The following INTS1 variants were observed in gnomAD, a reference collection of about 807,000 sequenced individuals.
The protein encoded by INTS1 is integrator complex subunit 1.
INTS1 carries 137 observed loss-of-function variants against 241.6 expected under a neutral mutation model. The ratio of observed to expected loss-of-function variants is 0.57; its 90% CI spans 0.49 to 0.65. INTS1 has a LOEUF of 0.65. Ranked by LOEUF, INTS1 falls within the 30% of genes least tolerant of loss-of-function variation. The pLI is 0.00. For synonymous variants in INTS1, 1,692 were observed against 1,337.8 expected (o/e 1.26, Z -5.78); for missense variants, 3,073 against 3,032.2 (o/e 1.01, Z -0.32).
rs1782929981 is a variant in INTS1, at chr7:1,497,715, T to C, written c.1426-401A>G. On this transcript the variant is annotated intron_variant, in intron 10 of 47. Coordinates refer to ENST00000404767, the MANE Select transcript of INTS1 (RefSeq NM_001080453.3). The surrounding 1 kb of genome is among the most constrained non-coding windows in gnomAD (Gnocchi z 5.3). ...GAAAGGACGCACTCCTGTCTCAAAATGCCAGGCCGCGAAGACTGAACGCGG... is the reference window on the plus strand; with the variant it reads ...GAAAGGACGCACTCCTGTCTCAAAACGCCAGGCCGCGAAGACTGAACGCGG... 6.6e-6 allele frequency among the ~76,000 whole-genome samples: 1 copy of C among 152,198 alleles called. No homozygotes were observed. Among genetic ancestry groups the C allele is most frequent in the African/African-American group, 2.4e-5 (1 of 41,454 alleles).
At chr7:1,499,182 AGGAG>A (rs1373802305) in intron 7 of INTS1, 21 bp from the exon 8 acceptor site, 1 of 1,606,136 alleles carries the variant, frequency 6.2e-7, no homozygotes, top group Non-Finnish European at 8.5e-7. Flanking sequence ...GGAGGGAGCG[AGGAG>A]GGAGGAAGGT....
chr7:1,501,575 C>T (rs1481439990), intron 3 of INTS1, among the ~76,000 whole-genome samples: 3 of 152,194 alleles, frequency 2.0e-5, no homozygotes, highest in Admixed American at 6.5e-5. Context: ...CTCCTCTCAT[C>T]TTCAAAACCT....
Position 1,478,526 on chromosome 7 carries a change from G to A in INTS1, c.4490-20C>T. ...CTCGCACTGTGGGAGGTCTGTGTGA[G>A]TGCCCTGTGGCTCCAGCCCTCACCC... is the stretch of plus-strand genomic sequence containing the variant. On this transcript the variant is annotated intron_variant, in intron 32 of 47. Transcript: ENST00000404767. 3 of 1,604,958 alleles carry A rather than the reference G, an allele frequency of 1.9e-6. No individual in the cohort carries two copies. Among genetic ancestry groups the A allele is most frequent in the South Asian group, 1.1e-5 (1 of 90,032 alleles).
At chr7:1,501,132 C>T (rs926074289) in intron 3 of INTS1, 174 of 151,838 alleles carry the variant, frequency 1.1e-3, no homozygotes, top group African/African-American at 4.0e-3. Flanking sequence ...TAGAAATACA[C>T]AAATTAGCCA....
chr7:1,489,444 G>A (rs1300692864), intron 17 of INTS1, 40 bp from the exon 18 acceptor site: 1 of 1,198,892 alleles, frequency 8.3e-7, no homozygotes, highest in Non-Finnish European at 1.1e-6. Flanking sequence ...AGGCTCCCCT[G>A]GGCACCAGGC....
rs1783027347 is a variant in INTS1 at position 1,499,280 on chromosome 7, C to T, written c.925G>A (p.Glu309Lys). The T allele has an allele frequency of 3.7e-6, 6 of 1,609,848 alleles. No individual in the cohort carries two copies. The highest frequency in any genetic ancestry group is 4.2e-6 in the Non-Finnish European group (5 of 1,178,698). ...CTGGGCATGAGCTGGCCCTCCTGCT[C>T]GGGGCTCAGCTTCTCCTCCGCGATC... Reference protein sequence around the residue: ...LLIAEEKLSPEQEGQLMPRYE... With the variant: ...LLIAEEKLSPKQEGQLMPRYE... Residue 309 changes from glutamate (E) to lysine (K), a missense_variant, in exon 7 of 48, where the codon GAG (glutamate) becomes AAG (lysine). Physicochemically the swap from Glu to Lys is moderately conservative, Grantham distance 56. Transcript: ENST00000404767.
intron 41 of INTS1, among the ~76,000 whole-genome samples, chr7:1,473,914 AG>A (rs1781590223): frequency 1.3e-5 from 2 of 152,170 alleles, no homozygotes; most frequent in South Asian, 4.1e-4. Context: ...GAGGGGCTCG[AG>A]GTAGCACAAG....
chr7:1,497,336 T>A lies in INTS1; in HGVS notation c.1426-22A>T. On this transcript the variant is annotated intron_variant, in intron 10 of 47. Coordinates refer to ENST00000404767, the MANE Select transcript of INTS1 (RefSeq NM_001080453.3). This position sits in a 1 kb window ranked among gnomAD's most constrained non-coding sequence, Gnocchi z 5.3. ...GGAACTGGGGCAGAGAGAGGCCGCG[T>A]GGGAGGCTGCCCGACAGTGCTGTCC... 1 of 1,604,608 alleles carries A rather than the reference T, an allele frequency of 6.2e-7. No individual in the cohort carries two copies. The highest frequency in any genetic ancestry group is 8.5e-7 in the Non-Finnish European group (1 of 1,175,572).
At position 1,474,345 on chromosome 7, in the gene INTS1, G is replaced by C. The variant is rs768241069; in HGVS notation, c.5652C>G (p.Ile1884Met). ...PLLLLRHLPMIAALLHGRTHL... is the reference protein window; with the variant it reads ...PLLLLRHLPMMAALLHGRTHL... ...GGGTGCGGCCGTGCAGGAGCGCCGC[G>C]ATCATGGGCAGGTGCCTGCGGGCGC... is the stretch of plus-strand genomic sequence containing the variant. The change falls in exon 41 of 48, where the codon ATC becomes ATG. Residue 1884 changes from isoleucine to methionine, a missense_variant. Transcript: ENST00000404767. 1.5e-5 allele frequency: 24 copies of C among 1,599,374 alleles called. 1 individual carries two copies. The Middle Eastern group carries it at 1.3e-3, about 90-fold the overall frequency.
chr7:1,500,403 G>C (rs536924761), intron 3 of INTS1, 37 bp from the exon 4 acceptor site: 2 of 1,502,644 alleles, frequency 1.3e-6, no homozygotes, highest in South Asian at 1.3e-5. Context: ...AACGGGGCCA[G>C]GGCAGGGTCA....
In INTS1 at chr7:1,487,978, G is replaced by T. The variant is rs79159900; in HGVS notation, c.2319-21C>A. The stretch of plus-strand genomic sequence containing the variant: ...AGTTGCTAGGGCCAGACGGGGGAGC[G>T]TGTCACCCTGCCCCCCATGAAGGGC... On this transcript the variant is annotated intron_variant, in intron 18 of 47. Transcript: ENST00000404767. 6 of 1,610,896 alleles carry T rather than the reference G, an allele frequency of 3.7e-6. No individual in the cohort carries two copies. The African/African-American group carries it at 5.3e-5, about 14-fold the overall frequency.
At position 1,476,349 on chromosome 7, in the gene INTS1, G is replaced by A. The variant is rs1225696397; in HGVS notation, c.5258C>T (p.Ala1753Val). ...CCGGGCCTGGATGAGGCTGCAGGCG[G>A]CTGTGTCCCCGTCCTGGCTCCGCGT... is the stretch of plus-strand genomic sequence containing the variant. The part of the protein sequence containing the change: ...AETRSQDGDT[A>V]ACSLIQARLP... The change falls in exon 38 of 48, where the codon GCC (alanine) becomes GTC (valine). Residue 1753 changes from alanine to valine, a missense_variant. Coordinates refer to ENST00000404767, the MANE Select transcript of INTS1 (RefSeq NM_001080453.3). 1 of 1,579,054 alleles carries A rather than the reference G, an allele frequency of 6.3e-7. No homozygotes were observed. The highest frequency in any genetic ancestry group is 8.6e-7 in the Non-Finnish European group (1 of 1,165,416).
At chr7:1,487,552 A>G (rs1191323797) in intron 19 of INTS1, 103 bp from the exon 20 acceptor site, 3 of 1,440,018 alleles carry the variant, frequency 2.1e-6, no homozygotes, top group Non-Finnish European at 2.8e-6. Context: ...CGACAGCCCG[A>G]GACGGGCAAC....
chr7:1,473,960 G>A (rs1443338577), intron 41 of INTS1, among the ~76,000 whole-genome samples: 3 of 152,252 alleles, frequency 2.0e-5, no homozygotes, highest in Non-Finnish European at 2.9e-5. Flanking sequence ...GGTCTGGGCT[G>A]GGCTTCTGAA....
In INTS1 at chr7:1,482,720, C is replaced by T; in HGVS notation, c.3542-13G>A. ...TCGCTGTCGTCGGCTTCAGGAAGGA[C>T]AACGGGTGAGCAGCCTTCAGACCCA... On this transcript the variant is annotated splice_polypyrimidine_tract_variant and intron_variant, in intron 26 of 47. Coordinates refer to ENST00000404767, the MANE Select transcript of INTS1 (RefSeq NM_001080453.3). The T allele has an allele frequency of 6.2e-7, 1 of 1,611,756 alleles. No homozygotes were observed. The highest frequency in any genetic ancestry group is 1.1e-5 in the South Asian group (1 of 90,956).
intron 47 of INTS1, 40 bp from the exon 48 acceptor site, chr7:1,470,732 A>G: frequency 6.7e-7 from 1 of 1,491,134 alleles, no homozygotes; most frequent in Admixed American, 2.1e-5. Context: ...CGCTGGCCAC[A>G]ACATCCTGGC....
At position 1,497,405 on chromosome 7, in the gene INTS1, G is replaced by T; in HGVS notation, c.1426-91C>A. ...CGCAGCACCAACAGGTATGGCGCCC[G>T]AGGGCGCTGCAGTGGGTCTCAGACA... On this transcript the variant is annotated intron_variant, in intron 10 of 47. Coordinates refer to ENST00000404767, the MANE Select transcript of INTS1 (RefSeq NM_001080453.3). This position sits in a 1 kb window ranked among gnomAD's most constrained non-coding sequence, Gnocchi z 5.3. The T allele has an allele frequency of 7.3e-7, 1 of 1,369,510 alleles. No individual in the cohort carries two copies. Among genetic ancestry groups the T allele is most frequent in the Non-Finnish European group, 9.8e-7 (1 of 1,016,658 alleles). 84.8% of individuals were successfully genotyped at this position (1,369,510 alleles called of 1,614,324 possible).
chr7:1,498,947 C>CCCCCCCCCCCCCCCCCCGGGG, intron 8 of INTS1, 28 bp downstream of exon 8: 3 of 1,339,430 alleles, frequency 2.2e-6, no homozygotes, highest in East Asian at 2.7e-5. Flanking sequence ...CCCCCTGCCC[C>CCCCCCCCCCCCCCCCCCGGGG]GCCCACCCCC....
At chr7:1,471,062 C>A (rs1402372593) in intron 46 of INTS1, 71 bp downstream of exon 46, 1 of 1,518,962 alleles carries the variant, frequency 6.6e-7, no homozygotes, top group South Asian at 1.2e-5. Flanking sequence ...GGCCACCAGG[C>A]GGGTCAAGCG....
Sources: gnomAD v4.1 joint callset for allele counts (sites outside exome capture counted in the v4.1 genomes callset) on GRCh38, gnomAD v4.1.1 for gene constraint, Gnocchi (gnomAD v3.1) non-coding constraint, MANE v1.5 for transcripts, NCBI Gene and HGNC (gene_info 2026-07-23, HGNC 2026-07-21) for gene names.